The following CNOT6 variants were observed in gnomAD, a reference collection of about 807,000 sequenced individuals.
CNOT6 encodes carbon catabolite repression 4 protein.
In CNOT6, 12 loss-of-function variants were observed where a neutral mutation model predicts 61.2. The observed-to-expected ratio is 0.20, with a 90% CI of 0.13 to 0.32. The LOEUF (loss-of-function observed/expected upper bound fraction) is 0.32. CNOT6 is among the 10% of genes least tolerant of loss of function. The pLI, the probability that CNOT6 is intolerant of heterozygous loss-of-function variation, is 1.00. For missense variants in CNOT6, 405 were observed against 663.9 expected (o/e 0.61, Z 4.28); for synonymous variants, 225 against 240.6 (o/e 0.94, Z 0.60).
At chr5:180,549,389 C>T (rs144129338) in intron 2 of CNOT6, among the ~76,000 whole-genome samples, 1,617 of 152,250 alleles carry the variant, frequency 0.011, 24 homozygotes, top group African/African-American at 0.037. Flanking sequence ...GTGGCTCATG[C>T]CTGTAACCCC....
At chr5:180,501,250 A>G (rs551108766) in intron 1 of CNOT6, among the ~76,000 whole-genome samples, 8 of 152,300 alleles carry the variant, frequency 5.3e-5, no homozygotes, top group Middle Eastern at 3.4e-3. Flanking sequence ...GTACATCAGC[A>G]TAGGGGATAG....
intron 1 of CNOT6, among the ~76,000 whole-genome samples, chr5:180,495,028 G>A (rs1046359748): frequency 1.3e-5 from 2 of 152,160 alleles, no homozygotes; most frequent in Admixed American, 6.5e-5. Context: ...GGAGAGGGTC[G>A]GCGCTGGGCT....
chr5:180,542,428 C>A (rs963508027), intron 2 of CNOT6, among the ~76,000 whole-genome samples: 4 of 152,130 alleles, frequency 2.6e-5, no homozygotes, highest in Non-Finnish European at 4.4e-5. Flanking sequence ...CCACACCCAG[C>A]TAATTTTTTT....
chr5:180,573,608 C>T (rs4998407), intron 11 of CNOT6, among the ~76,000 whole-genome samples: 35,692 of 128,668 alleles, frequency 0.28, 5,874 homozygotes, highest in Middle Eastern at 0.43. Flanking sequence ...TGTGTCCGTC[C>T]GTCCGTCCGT....
chr5:180,500,106 T>TC (rs11294788), intron 1 of CNOT6, among the ~76,000 whole-genome samples: 1 of 151,298 alleles, frequency 6.6e-6, no homozygotes, highest in African/African-American at 2.4e-5. Flanking sequence ...TCTTTTTTTT[T>TC]CCCCCCTTTT....
intron 1 of CNOT6, among the ~76,000 whole-genome samples, chr5:180,514,041 G>A: frequency 6.6e-6 from 1 of 151,560 alleles, no homozygotes. Context: ...TCCCTATGTT[G>A]CCCAGGCTGG....
At chr5:180,572,940 A>C (rs988648567) in intron 11 of CNOT6, among the ~76,000 whole-genome samples, 1 of 152,222 alleles carries the variant, frequency 6.6e-6, no homozygotes, top group African/African-American at 2.4e-5. Flanking sequence ...AGCTGCTGGA[A>C]AAGTAATCAT....
At chr5:180,495,495 C>T (rs1236681702) in intron 1 of CNOT6, 2 of 152,226 alleles carry the variant, frequency 1.3e-5, no homozygotes, top group Admixed American at 1.3e-4. Context: ...GCCTGCTAAC[C>T]AACACCTGTG....
At chr5:180,498,355 G>C (rs1201114809) in intron 1 of CNOT6, among the ~76,000 whole-genome samples, 1 of 152,216 alleles carries the variant, frequency 6.6e-6, no homozygotes, top group South Asian at 2.1e-4. Flanking sequence ...TTCTCATAGT[G>C]TATAGGCTTC....
At chr5:180,506,627 T>C (rs1167762291) in intron 1 of CNOT6, among the ~76,000 whole-genome samples, 1 of 152,224 alleles carries the variant, frequency 6.6e-6, no homozygotes, top group African/African-American at 2.4e-5. Flanking sequence ...AGATTTTTTA[T>C]AGTTTAAGTT....
At chr5:180,573,250 G>A (rs537767532) in intron 11 of CNOT6, among the ~76,000 whole-genome samples, 2 of 152,302 alleles carry the variant, frequency 1.3e-5, no homozygotes, top group Admixed American at 1.3e-4. Context: ...CAGTTTAGTA[G>A]ATGCCATGGC....
In CNOT6 at chr5:180,567,113, GT is replaced by G. The variant is rs1760505533; in HGVS notation, c.750del (p.Leu251TrpfsTer2). 1 of 1,612,822 alleles carries G rather than the reference GT, an allele frequency of 6.2e-7. No homozygotes were observed. Among genetic ancestry groups the G allele is most frequent in the Non-Finnish European group, 8.5e-7 (1 of 1,179,722 alleles). On this transcript the variant is annotated frameshift_variant, in exon 8 of 12. Transcript: ENST00000261951. LOFTEE classifies it high-confidence loss of function. Reference protein sequence around the residue: ...LQEVETEQYYSFFLVELKERG... With the variant: ...LQEVETEQYYXFFLVELKERG... Reference sequence around the variant, plus strand: ...GAGGTTGAAACGGAACAGTATTACAGTTTTTTTCTGGTAGAGCTGAAAGAAC... The same window carrying G: ...GAGGTTGAAACGGAACAGTATTACAGTTTTTTCTGGTAGAGCTGAAAGAAC...
At chr5:180,495,893 T>C (rs1260090275) in intron 1 of CNOT6, 1 of 152,234 alleles carries the variant, frequency 6.6e-6, no homozygotes, top group Non-Finnish European at 1.5e-5. Context: ...TGTTAAGACA[T>C]TTATCACAGT....
At chr5:180,550,250 G>A in intron 3 of CNOT6, 133 bp downstream of exon 3, 2 of 614,992 alleles carry the variant, frequency 3.3e-6, no homozygotes, top group South Asian at 4.7e-5. Context: ...AGGAGATCGA[G>A]ACCATTCTGG....
chr5:180,532,752 A>G (rs916696544), intron 2 of CNOT6, among the ~76,000 whole-genome samples: 11 of 152,308 alleles, frequency 7.2e-5, no homozygotes, highest in South Asian at 2.1e-4. Flanking sequence ...AGCTTTGACC[A>G]GCTTCAGGTT....
Position 180,568,021 on chromosome 5 carries a change from C to G in CNOT6, c.1027+18C>G, listed in dbSNP as rs1010372229. The G allele has an allele frequency of 6.3e-7, 1 of 1,587,466 alleles. No homozygotes were observed. Among genetic ancestry groups the G allele is most frequent in the Non-Finnish European group, 8.6e-7 (1 of 1,164,428 alleles). ...AATGCCGTGTGAGTGCCCTTCACTT[C>G]CTGTAAAATTGACCAGCTCTGACTA... On this transcript the variant is annotated intron_variant, in intron 9 of 11. Transcript: ENST00000261951.
chr5:180,518,629 AGCCTCAGGTGGCATGT>A (rs1210021156), intron 1 of CNOT6, among the ~76,000 whole-genome samples: 10 of 152,028 alleles, frequency 6.6e-5, no homozygotes, highest in Admixed American at 3.3e-4. Context: ...GGTAGTCCTG[AGCCTCAGGTGGCATGT>A]GCCACCACAC....
chr5:180,571,501 G>GA, intron 11 of CNOT6, 69 bp downstream of exon 11: 3 of 1,122,036 alleles, frequency 2.7e-6, no homozygotes, highest in Non-Finnish European at 4.0e-6. Flanking sequence ...ACATCATTAT[G>GA]TCTTTAAAAC....
chr5:180,571,161 C>A, intron 10 of CNOT6, 69 bp from the exon 11 acceptor site: 1 of 1,089,290 alleles, frequency 9.2e-7, no homozygotes, highest in East Asian at 2.5e-5. Context: ...AAACTTCTTA[C>A]TATTGCATGA....
Sources: gnomAD v4.1 joint callset for allele counts (sites outside exome capture counted in the v4.1 genomes callset) on GRCh38, gnomAD v4.1.1 for gene constraint, MANE v1.5 for transcripts, NCBI Gene and HGNC (gene_info 2026-07-23, HGNC 2026-07-21) for gene names.